The following SULF2 variants were observed in gnomAD, a reference collection of about 807,000 sequenced individuals.
SULF2 encodes sulfatase 2.
A neutral mutation model predicts 107.7 loss-of-function variants in SULF2; 52 were observed. That is an observed-to-expected ratio of 0.48 (90% CI 0.39 to 0.61). The LOEUF (loss-of-function observed/expected upper bound fraction) is 0.61. Among genes scored for constraint, SULF2 ranks in the 20% least tolerant of loss-of-function variants. The pLI is 0.00. For missense variants in SULF2, 993 were observed against 1,177.3 expected (o/e 0.84, Z 2.29); for synonymous variants, 460 against 464.3 (o/e 0.99, Z 0.12).
chr20:47,750,293 C>T (rs2090133288), intron 2 of SULF2, among the ~76,000 whole-genome samples: 1 of 152,162 alleles, frequency 6.6e-6, no homozygotes, highest in Non-Finnish European at 1.5e-5. Flanking sequence ...AGCTTCTAAC[C>T]ATGGTTTTCC....
At chr20:47,659,845 T>C in intron 18 of SULF2, 115 bp from the exon 19 acceptor site, 1 of 770,880 alleles carries the variant, frequency 1.3e-6, no homozygotes, top group Non-Finnish European at 2.2e-6. Context: ...ATGCTGATAG[T>C]GTTCCCTACT....
chr20:47,771,558 A>G (rs1170143250), intron 1 of SULF2, among the ~76,000 whole-genome samples: 3 of 152,202 alleles, frequency 2.0e-5, no homozygotes, highest in Non-Finnish European at 2.9e-5. Flanking sequence ...CTGCAGAGGC[A>G]AGAAATTTTC....
intron 3 of SULF2, among the ~76,000 whole-genome samples, chr20:47,726,372 ATTTT>A (rs111536289): frequency 6.8e-6 from 1 of 146,498 alleles, no homozygotes; most frequent in Non-Finnish European, 1.5e-5. Context: ...TGTCCAGCTA[ATTTT>A]TTTTTTTTCA....
rs762597040 is a variant in SULF2 at position 47,666,478 on chromosome 20, G to C, written c.1587C>G (p.Ala529=). The C allele has an allele frequency of 6.7e-5, 108 of 1,612,660 alleles. No homozygotes were observed. The highest frequency in any genetic ancestry group is 9.0e-5 in the Non-Finnish European group (106 of 1,179,826). ...RKKLFKKKYK[A]SYVRSRSIRS... ...GGATGGAGCGACTGCGGACATAGCTGGCCTTGTACTCTGTGGGCATTAGAG... is the reference window on the plus strand; with the variant it reads ...GGATGGAGCGACTGCGGACATAGCTCGCCTTGTACTCTGTGGGCATTAGAG... The change falls in exon 12 of 21, where the codon GCC becomes GCG. Residue 529 remains alanine (A), a synonymous_variant. Transcript: ENST00000688720. The surrounding 1 kb of genome is among the most constrained non-coding windows in gnomAD (Gnocchi z 5.4).
At chr20:47,688,161 T>C (rs2088076946) in intron 5 of SULF2, among the ~76,000 whole-genome samples, 1 of 152,088 alleles carries the variant, frequency 6.6e-6, no homozygotes, top group East Asian at 1.9e-4. Context: ...AGAGATGGGA[T>C]AGGAGACCCC....
At chr20:47,688,828 AAAGT>A (rs1411474762) in intron 5 of SULF2, among the ~76,000 whole-genome samples, 2 of 151,906 alleles carry the variant, frequency 1.3e-5, no homozygotes, top group Non-Finnish European at 2.9e-5. Flanking sequence ...GGTCTGTCAA[AAAGT>A]AATTACAGGA....
intron 3 of SULF2, among the ~76,000 whole-genome samples, chr20:47,726,530 T>A: frequency 6.6e-6 from 1 of 152,028 alleles, no homozygotes; most frequent in East Asian, 1.9e-4. Context: ...TGTCCAAGAG[T>A]CCTTTCTGTG....
At chr20:47,739,337 G>A (rs1336510537) in intron 2 of SULF2, among the ~76,000 whole-genome samples, 1 of 152,096 alleles carries the variant, frequency 6.6e-6, no homozygotes, top group Admixed American at 6.6e-5. Flanking sequence ...TCTGGGGAAG[G>A]CCCTCTGCTC....
chr20:47,745,397 A>AGG lies in SULF2; in HGVS notation c.176-8456_176-8455insCC, dbSNP rs1568892019. On this transcript the variant is annotated intron_variant, in intron 2 of 20. Transcript: ENST00000688720. ...AGTTTTGAGGGAAAAAAAAAAAAAAAAAAAAAAAAAAAAATATATATATAT... is the reference window on the plus strand; with the variant it reads ...AGTTTTGAGGGAAAAAAAAAAAAAAAGGAAAAAAAAAAAAAATATATATATAT... Among the ~76,000 whole-genome samples, 257 of 33,828 alleles carry AGG rather than the reference A, an allele frequency of 7.6e-3. 5 individuals are homozygous for AGG. Among genetic ancestry groups the AGG allele is most frequent in the Non-Finnish European group, 9.3e-3 (211 of 22,672 alleles). The allele number at this position is 33,828 out of a possible 152,430, so 22.2% of individuals were successfully genotyped here. A position where few individuals can be genotyped will look rare whatever the true frequency, so the allele number is the denominator to read the frequency against.
At chr20:47,766,112 GAA>G (rs137922837) in intron 1 of SULF2, among the ~76,000 whole-genome samples, 2,062 of 152,306 alleles carry the variant, frequency 0.014, 42 homozygotes, top group African/African-American at 0.047. Flanking sequence ...GGAGGGATGG[GAA>G]AGTGTGGTCC....
upstream of SULF2, chr20:47,785,744 C>T (rs2090921115): frequency 1.4e-5 from 2 of 147,620 alleles, no homozygotes; most frequent in South Asian, 4.2e-4. Context: ...CGGGGAGCGT[C>T]GGGCCGGGAG....
At chr20:47,701,375 G>A (rs1037108482) in intron 4 of SULF2, among the ~76,000 whole-genome samples, 6 of 152,190 alleles carry the variant, frequency 3.9e-5, no homozygotes, top group African/African-American at 1.2e-4. Context: ...AGAGATGCGC[G>A]GTGAAACAGA....
At chr20:47,688,513 C>T (rs867782633) in intron 5 of SULF2, among the ~76,000 whole-genome samples, 2 of 152,326 alleles carry the variant, frequency 1.3e-5, no homozygotes, top group Middle Eastern at 3.4e-3. Flanking sequence ...AGAGATGCTG[C>T]CGAAGCAAAG....
intron 1 of SULF2, 73 bp from the exon 2 acceptor site, chr20:47,757,536 G>T: frequency 1.3e-6 from 1 of 746,288 alleles, no homozygotes; most frequent in Non-Finnish European, 2.1e-6. Flanking sequence ...ATAATGATTT[G>T]TATGGCGGCT....
chr20:47,728,062 G>A (rs755458334), intron 3 of SULF2, among the ~76,000 whole-genome samples: 16 of 152,150 alleles, frequency 1.1e-4, no homozygotes, highest in Non-Finnish European at 1.6e-4. Flanking sequence ...CTGGGTGTTC[G>A]CTGCAGAGAG....
chr20:47,719,013 T>C (rs979155843), intron 3 of SULF2, among the ~76,000 whole-genome samples: 1 of 152,232 alleles, frequency 6.6e-6, no homozygotes, highest in South Asian at 2.1e-4. Flanking sequence ...TTTGTTTATT[T>C]TCATTAACCT....
chr20:47,736,587 T>C, intron 3 of SULF2, 116 bp downstream of exon 3: 1 of 1,354,274 alleles, frequency 7.4e-7, no homozygotes, highest in Non-Finnish European at 1.0e-6. Flanking sequence ...TATAAGAGAG[T>C]TGCTCTAGGG....
intron 3 of SULF2, among the ~76,000 whole-genome samples, chr20:47,736,291 C>T (rs1055788128): frequency 2.0e-5 from 3 of 152,164 alleles, no homozygotes; most frequent in Admixed American, 2.0e-4. Flanking sequence ...TATCTGTTCC[C>T]CTCCATGAAT....
At chr20:47,690,360 G>T in intron 4 of SULF2, 65 bp from the exon 5 acceptor site, 5 of 1,291,688 alleles carry the variant, frequency 3.9e-6, no homozygotes, top group Non-Finnish European at 5.0e-6. Context: ...TGTCCACTAC[G>T]TGCCAGGCAC....
Sources: allele counts gnomAD v4.1 joint callset (sites outside exome capture counted in the v4.1 genomes callset), GRCh38; gene constraint gnomAD v4.1.1; non-coding constraint Gnocchi (gnomAD v3.1); transcripts MANE v1.5; gene names NCBI Gene and HGNC (gene_info 2026-07-23, HGNC 2026-07-21).